SORCS1: variants seen among roughly 807,000 people sequenced by gnomAD.
The protein encoded by SORCS1 is VPS10 domain-containing receptor SorCS1.
In SORCS1, 60 loss-of-function variants were observed where a neutral mutation model predicts 146.1. The observed-to-expected ratio is 0.41, with a 90% confidence interval of 0.33 to 0.51. The LOEUF is 0.51. SORCS1 is among the 20% of genes least tolerant of loss of function. The probability of loss-of-function intolerance (pLI) is 0.21; values close to 1 mark genes in which losing one functional copy is unlikely to be tolerated. For missense variants in SORCS1, 1,352 were observed against 1,487.6 expected (o/e 0.91, Z 1.50); for synonymous variants, 637 against 584.0 (o/e 1.09, Z -1.31).
At chr10:106,850,297 G>T (rs910643682) in intron 2 of SORCS1, among the ~76,000 whole-genome samples, 1 of 152,128 alleles carries the variant, frequency 6.6e-6, no homozygotes, top group East Asian at 1.9e-4. Flanking sequence ...GGTGCGCCGT[G>T]TTTTAAGCCG....
At chr10:106,781,686 G>T (rs770326877) in intron 3 of SORCS1, among the ~76,000 whole-genome samples, 2 of 152,174 alleles carry the variant, frequency 1.3e-5, no homozygotes, top group Non-Finnish European at 2.9e-5. Flanking sequence ...TAAGTCATCT[G>T]CTGACCAATG....
intron 18 of SORCS1, among the ~76,000 whole-genome samples, chr10:106,634,084 T>C (rs1471133238): frequency 6.6e-6 from 1 of 152,186 alleles, no homozygotes; most frequent in Non-Finnish European, 1.5e-5. Context: ...ACTAAGGGTG[T>C]ATTAATAAGG....
At chr10:106,720,605 G>C (rs1429854079) in intron 6 of SORCS1, among the ~76,000 whole-genome samples, 2 of 151,446 alleles carry the variant, frequency 1.3e-5, no homozygotes, top group African/African-American at 4.9e-5. Flanking sequence ...GCCGGAGCCA[G>C]AAACATTAGA....
chr10:106,886,751 T>TA (rs1342374574), intron 2 of SORCS1, among the ~76,000 whole-genome samples: 1 of 152,208 alleles, frequency 6.6e-6, no homozygotes, highest in African/African-American at 2.4e-5. Context: ...CCAGACCCTA[T>TA]AATGCCATAA....
chr10:106,650,823 C>T (rs1388997239), intron 18 of SORCS1, among the ~76,000 whole-genome samples: 1 of 152,174 alleles, frequency 6.6e-6, no homozygotes, highest in Non-Finnish European at 1.5e-5. Context: ...GCTTCTCAAT[C>T]CTCCTGATAG....
intron 5 of SORCS1, among the ~76,000 whole-genome samples, chr10:106,745,589 C>A (rs1262548896): frequency 6.6e-6 from 1 of 152,104 alleles, no homozygotes; most frequent in Non-Finnish European, 1.5e-5. Flanking sequence ...AAATCTTGAT[C>A]AATTTTCTGG....
At chr10:106,756,780 A>G (rs932188059) in intron 5 of SORCS1, among the ~76,000 whole-genome samples, 1 of 152,140 alleles carries the variant, frequency 6.6e-6, no homozygotes, top group Non-Finnish European at 1.5e-5. Flanking sequence ...TGAAACTTGT[A>G]TTTGTTTTAT....
At chr10:106,729,606 T>C (rs1237185326) in intron 6 of SORCS1, among the ~76,000 whole-genome samples, 1 of 152,130 alleles carries the variant, frequency 6.6e-6, no homozygotes, top group Non-Finnish European at 1.5e-5. Context: ...ATCAAGAGTT[T>C]GGAAGTATTC....
chr10:107,049,444 T>C (rs890557416), intron 1 of SORCS1, among the ~76,000 whole-genome samples: 5 of 151,970 alleles, frequency 3.3e-5, no homozygotes, highest in African/African-American at 1.2e-4. Flanking sequence ...CCAGGGCAGG[T>C]GGTGAGCTCT....
intron 4 of SORCS1, among the ~76,000 whole-genome samples, chr10:106,774,774 A>C (rs1286431841): frequency 2.0e-5 from 3 of 152,162 alleles, no homozygotes; most frequent in African/African-American, 7.2e-5. Flanking sequence ...ACTATTGGTC[A>C]ACTCATATGT....
At chr10:106,806,079 C>CAAA (rs1947152947) in intron 3 of SORCS1, among the ~76,000 whole-genome samples, 2 of 85,942 alleles carry the variant, frequency 2.3e-5, no homozygotes, top group African/African-American at 8.5e-5. Context: ...AAAAAGAAAT[C>CAAA]ATGGAGTAGG....
At chr10:107,122,591 TA>T (rs1296410938) in intron 1 of SORCS1, among the ~76,000 whole-genome samples, 5 of 152,232 alleles carry the variant, frequency 3.3e-5, no homozygotes, top group Non-Finnish European at 1.5e-5. Flanking sequence ...TTTTTATGGA[TA>T]AAATAGCTTT....
intron 6 of SORCS1, among the ~76,000 whole-genome samples, chr10:106,716,831 T>C (rs1855410033): frequency 6.6e-6 from 1 of 152,168 alleles, no homozygotes. Flanking sequence ...TTTTTTTCTC[T>C]CTTAAATTTT....
chr10:106,599,668 GC>G (rs2133333132), intron 23 of SORCS1, among the ~76,000 whole-genome samples: 1 of 152,138 alleles, frequency 6.6e-6, no homozygotes, highest in South Asian at 2.1e-4. Flanking sequence ...AGCCTGTTTT[GC>G]CAAATTTATC....
intron 1 of SORCS1, among the ~76,000 whole-genome samples, chr10:106,999,705 C>T (rs909895267): frequency 6.6e-6 from 1 of 152,158 alleles, no homozygotes; most frequent in Non-Finnish European, 1.5e-5. Flanking sequence ...TTCTAGTTTC[C>T]AAATCAGGCA....
intron 1 of SORCS1, among the ~76,000 whole-genome samples, chr10:106,959,126 C>T (rs1193225324): frequency 6.6e-6 from 1 of 152,178 alleles, no homozygotes; most frequent in African/African-American, 2.4e-5. Context: ...GCCACTTGCA[C>T]AAGCACACAG....
Position 107,050,546 on chromosome 10 carries a change from G to C in SORCS1, c.559-93966C>G, listed in dbSNP as rs17121992. 9.1e-3 allele frequency among the ~76,000 whole-genome samples: 1,389 copies of C among 152,228 alleles called. 22 individuals are homozygous for C. Among genetic ancestry groups the C allele is most frequent in the African/African-American group, 0.032 (1,312 of 41,542 alleles). On this transcript the variant is annotated intron_variant, in intron 1 of 25. Transcript: ENST00000263054. Reference sequence around the variant, plus strand: ...TAGGCTTTATTTCCAGAACCTTCTAGTCCTGCTAAAAGTAGGCACAAAATG... The same window carrying C: ...TAGGCTTTATTTCCAGAACCTTCTACTCCTGCTAAAAGTAGGCACAAAATG...
intron 1 of SORCS1, among the ~76,000 whole-genome samples, chr10:107,056,246 G>A (rs1319776645): frequency 1.3e-5 from 2 of 152,152 alleles, no homozygotes; most frequent in Admixed American, 6.5e-5. Context: ...AGTAAGCTGA[G>A]CAATAGGGCA....
chr10:106,763,868 C>A (rs1400991425), intron 4 of SORCS1, among the ~76,000 whole-genome samples: 1 of 152,140 alleles, frequency 6.6e-6, no homozygotes, highest in Non-Finnish European at 1.5e-5. Flanking sequence ...TATCTAAGAC[C>A]ACTTCCTGCC....
Sources: allele counts gnomAD v4.1 joint callset (sites outside exome capture counted in the v4.1 genomes callset), GRCh38; gene constraint gnomAD v4.1.1; transcripts MANE v1.5; gene names NCBI Gene and HGNC (gene_info 2026-07-23, HGNC 2026-07-21).